The following NDUFA8 variants were observed in gnomAD, a reference collection of about 807,000 sequenced individuals.
NDUFA8 encodes the protein NADH dehydrogenase [ubiquinone] 1 alpha subcomplex subunit 8.
In NDUFA8, 16 loss-of-function variants were observed where a neutral mutation model predicts 20.9. That is an observed-to-expected ratio of 0.77 (90% CI 0.52 to 1.16). The LOEUF is 1.16. NDUFA8 is among the 50% of genes most tolerant of loss of function. The probability of loss-of-function intolerance (pLI) is 0.00; values close to 1 mark genes in which losing one functional copy is unlikely to be tolerated. For missense variants in NDUFA8, 202 were observed against 216.4 expected (o/e 0.93, Z 0.42); for synonymous variants, 70 against 76.1 (o/e 0.92, Z 0.41).
At chr9:122,152,555 ATT>A (rs59160522) in intron 1 of NDUFA8, 147 bp from the exon 2 acceptor site, 3,704 of 457,422 alleles carry the variant, frequency 8.1e-3, no homozygotes, top group East Asian at 0.015. Flanking sequence ...CATAATAATA[ATT>A]TTTTTTTTTT....
chr9:122,144,154 A>G lies in NDUFA8; in HGVS notation c.*87T>C. On this transcript the variant is annotated 3_prime_UTR_variant, in exon 4 of 4. Transcript: ENST00000373768. Reference sequence around the variant, plus strand: ...GTTAATGTTTGTGATCCCGGAAAGAACACACTATCAGTCGATGCAAACCGC... The same window carrying G: ...GTTAATGTTTGTGATCCCGGAAAGAGCACACTATCAGTCGATGCAAACCGC... 1 of 1,607,802 alleles carries G rather than the reference A, an allele frequency of 6.2e-7. No individual in the cohort carries two copies.
At chr9:122,156,184 C>T (rs181159426) in intron 1 of NDUFA8, among the ~76,000 whole-genome samples, 40 of 152,284 alleles carry the variant, frequency 2.6e-4, no homozygotes, top group Non-Finnish European at 3.4e-4. Flanking sequence ...CCATGAATAC[C>T]GTCTCAAATT....
the NDUFA8 span, among the ~76,000 whole-genome samples, chr9:122,136,790 C>T: frequency 1.3e-5 from 2 of 152,132 alleles, no homozygotes; most frequent in East Asian, 1.9e-4. Context: ...CTCCTGACCT[C>T]GTGATCCGCC....
At chr9:122,155,294 G>C (rs1035644440) in intron 1 of NDUFA8, among the ~76,000 whole-genome samples, 1 of 152,156 alleles carries the variant, frequency 6.6e-6, no homozygotes. Context: ...GGTCAGGCTG[G>C]TCTCAAACTC....
chr9:122,159,083 G>A (rs1257380750), intron 1 of NDUFA8, among the ~76,000 whole-genome samples: 2 of 152,140 alleles, frequency 1.3e-5, no homozygotes, highest in Non-Finnish European at 2.9e-5. Context: ...TTACTGAAAT[G>A]ATATCTCTTG....
downstream of NDUFA8, among the ~76,000 whole-genome samples, chr9:122,140,889 G>A (rs891978737): frequency 1.3e-5 from 2 of 152,150 alleles, no homozygotes; most frequent in African/African-American, 2.4e-5. Context: ...GCCATTAAAT[G>A]ACCAGAGCCT....
chr9:122,148,476 G>C (rs889350061), intron 2 of NDUFA8, among the ~76,000 whole-genome samples, 199 bp from the exon 3 acceptor site: 4 of 152,080 alleles, frequency 2.6e-5, no homozygotes, highest in Non-Finnish European at 5.9e-5. Flanking sequence ...AGATTTCTGA[G>C]GTAGAAAACC....
the NDUFA8 span, among the ~76,000 whole-genome samples, chr9:122,133,536 C>T: frequency 6.6e-6 from 1 of 152,216 alleles, no homozygotes; most frequent in Non-Finnish European, 1.5e-5. Flanking sequence ...CAACAGGATT[C>T]TAGGAGGCAG....
chr9:122,134,385 G>A, the NDUFA8 span, among the ~76,000 whole-genome samples: 1 of 152,242 alleles, frequency 6.6e-6, no homozygotes, highest in Non-Finnish European at 1.5e-5. Flanking sequence ...ACCTTTCCGA[G>A]CATCAGCTTC....
At chr9:122,136,577 G>A in the NDUFA8 span, among the ~76,000 whole-genome samples, 1 of 150,658 alleles carries the variant, frequency 6.6e-6, no homozygotes, top group Non-Finnish European at 1.5e-5. Context: ...TTTTTTCTGA[G>A]ACGGAGTCTC....
chr9:122,138,295 A>G, the NDUFA8 span, among the ~76,000 whole-genome samples: 1 of 152,196 alleles, frequency 6.6e-6, no homozygotes, highest in South Asian at 2.1e-4. Flanking sequence ...CTTGCATGCA[A>G]TTTATATTTC....
chr9:122,151,690 T>A (rs1829001302), intron 2 of NDUFA8, among the ~76,000 whole-genome samples: 1 of 152,238 alleles, frequency 6.6e-6, no homozygotes, highest in Admixed American at 6.5e-5. Flanking sequence ...GACTTCAGAG[T>A]TACAAGAGCC....
chr9:122,153,035 C>A (rs1829028654), intron 1 of NDUFA8, among the ~76,000 whole-genome samples: 1 of 152,032 alleles, frequency 6.6e-6, no homozygotes, highest in Non-Finnish European at 1.5e-5. Context: ...GAGGCCAAAG[C>A]AGGCAGATCA....
downstream of NDUFA8, among the ~76,000 whole-genome samples, chr9:122,141,229 G>A (rs551850006): frequency 1.8e-3 from 272 of 152,314 alleles, 2 homozygotes; most frequent in African/African-American, 6.2e-3. Flanking sequence ...TGGAGTGTCA[G>A]AATGCCAGTA....
At chr9:122,152,632 T>G (rs965403427) in intron 1 of NDUFA8, among the ~76,000 whole-genome samples, 3 of 151,506 alleles carry the variant, frequency 2.0e-5, no homozygotes, top group African/African-American at 7.3e-5. Context: ...CTCGGCTTAC[T>G]GCAACTTCGG....
chr9:122,150,639 G>A (rs944455026), intron 2 of NDUFA8, among the ~76,000 whole-genome samples: 1 of 151,910 alleles, frequency 6.6e-6, no homozygotes, highest in African/African-American at 2.4e-5. Flanking sequence ...CGTTATGGTT[G>A]GTTTATCCAC....
chr9:122,138,992 G>A, the NDUFA8 span, among the ~76,000 whole-genome samples: 1 of 152,110 alleles, frequency 6.6e-6, no homozygotes, highest in East Asian at 1.9e-4. Flanking sequence ...ACACTGTGAG[G>A]AGACTGACTG....
At chr9:122,150,397 T>C (rs7872348) in intron 2 of NDUFA8, among the ~76,000 whole-genome samples, 41,833 of 125,056 alleles carry the variant, frequency 0.33, 9,646 homozygotes, top group African/African-American at 0.68. Context: ...GGCGACAGAG[T>C]GACACCCCAT....
intron 3 of NDUFA8, among the ~76,000 whole-genome samples, chr9:122,145,815 T>C (rs980590705): frequency 6.6e-6 from 1 of 152,216 alleles, no homozygotes; most frequent in East Asian, 1.9e-4. Context: ...GATCCACTAG[T>C]GGTTCCTTGG....
Sources: gnomAD v4.1 joint callset for allele counts (sites outside exome capture counted in the v4.1 genomes callset) on GRCh38, gnomAD v4.1.1 for gene constraint, MANE v1.5 for transcripts, NCBI Gene and HGNC (gene_info 2026-07-23, HGNC 2026-07-21) for gene names.